The following DOCK9 variants were observed in gnomAD, a reference collection of about 807,000 sequenced individuals.
The protein encoded by DOCK9 is dedicator of cytokinesis 9.
DOCK9 carries 89 observed loss-of-function variants against 263.3 expected under a neutral mutation model. That is an observed-to-expected ratio of 0.34 (90% CI 0.28 to 0.40). The LOEUF is 0.40. Among genes scored for constraint, DOCK9 ranks in the 10% least tolerant of loss-of-function variants. DOCK9 has a pLI of 1.00. For missense variants in DOCK9, 2,140 were observed against 2,603.4 expected (o/e 0.82, Z 3.87); for synonymous variants, 976 against 973.1 (o/e 1.00, Z -0.06).
intron 1 of DOCK9, among the ~76,000 whole-genome samples, chr13:99,031,867 C>T (rs144693593): frequency 6.6e-6 from 1 of 152,318 alleles, no homozygotes; most frequent in East Asian, 1.9e-4. Flanking sequence ...GTCACAGCAG[C>T]CTGCTTAGGG....
intron 52 of DOCK9, among the ~76,000 whole-genome samples, chr13:98,796,679 C>A (rs958727454): frequency 4.6e-5 from 7 of 152,208 alleles, no homozygotes; most frequent in Non-Finnish European, 8.8e-5. Context: ...TGGAATCAGT[C>A]TGTATTTTTA....
chr13:98,827,651 T>A (rs1400403652), intron 43 of DOCK9, among the ~76,000 whole-genome samples: 2 of 152,224 alleles, frequency 1.3e-5, no homozygotes, highest in Non-Finnish European at 2.9e-5. Context: ...GCATGCACTC[T>A]GATGTGTGCA....
At chr13:99,022,547 G>A (rs1886241361) in intron 1 of DOCK9, among the ~76,000 whole-genome samples, 2 of 152,162 alleles carry the variant, frequency 1.3e-5, no homozygotes, top group South Asian at 2.1e-4. Context: ...CAAGGAGCAA[G>A]CGTCCAGGGA....
intron 36 of DOCK9, 83 bp from the exon 37 acceptor site, chr13:98,848,722 A>G: frequency 7.3e-7 from 1 of 1,365,632 alleles, no homozygotes; most frequent in Non-Finnish European, 1.0e-6. Flanking sequence ...ACAATAACAA[A>G]TTCAATAAAC....
chr13:99,041,480 C>A (rs1233025508), intron 1 of DOCK9, among the ~76,000 whole-genome samples: 51 of 137,260 alleles, frequency 3.7e-4, no homozygotes, highest in South Asian at 4.7e-4. Flanking sequence ...AAGACTGTCT[C>A]AAAAAAAAAA....
At chr13:99,023,013 T>C (rs1247235465) in intron 1 of DOCK9, among the ~76,000 whole-genome samples, 1 of 152,162 alleles carries the variant, frequency 6.6e-6, no homozygotes, top group East Asian at 1.9e-4. Flanking sequence ...TATTTGCTGG[T>C]AGAAATGTAA....
intron 50 of DOCK9, among the ~76,000 whole-genome samples, chr13:98,798,978 T>A (rs1156995974): frequency 6.6e-6 from 1 of 152,240 alleles, no homozygotes; most frequent in East Asian, 1.9e-4. Context: ...GGGCTGGATG[T>A]TCCAAGATCA....
At chr13:98,917,519 G>A (rs1005517793) in intron 7 of DOCK9, among the ~76,000 whole-genome samples, 2 of 152,154 alleles carry the variant, frequency 1.3e-5, no homozygotes, top group African/African-American at 4.8e-5. Context: ...AGAGAAGGCT[G>A]AATTGCCAGC....
intron 1 of DOCK9, among the ~76,000 whole-genome samples, chr13:98,964,929 G>A (rs534936998): frequency 6.6e-6 from 1 of 152,330 alleles, no homozygotes; most frequent in African/African-American, 2.4e-5. Context: ...TAACACTGGA[G>A]TCAGAGAGCA....
intron 1 of DOCK9, among the ~76,000 whole-genome samples, chr13:99,040,145 T>C (rs1471174520): frequency 6.6e-6 from 1 of 152,124 alleles, no homozygotes; most frequent in Non-Finnish European, 1.5e-5. Context: ...GAGTGTTTGC[T>C]TCATCTCTCC....
intron 1 of DOCK9, among the ~76,000 whole-genome samples, chr13:99,084,327 G>C (rs1298220207): frequency 2.6e-5 from 4 of 152,192 alleles, no homozygotes; most frequent in Non-Finnish European, 5.9e-5. Context: ...TTCCCATTCA[G>C]CCAGGGGCCC....
intron 18 of DOCK9, among the ~76,000 whole-genome samples, chr13:98,886,904 A>G (rs1031169372): frequency 1.3e-5 from 2 of 151,920 alleles, no homozygotes; most frequent in African/African-American, 4.8e-5. Context: ...TTCTTATGCA[A>G]TTCTTCTGTC....
At chr13:99,040,661 C>T (rs1888368484) in intron 1 of DOCK9, among the ~76,000 whole-genome samples, 1 of 152,126 alleles carries the variant, frequency 6.6e-6, no homozygotes, top group Non-Finnish European at 1.5e-5. Flanking sequence ...CCACTGTGCG[C>T]CAGACACGGG....
chr13:99,069,812 C>G (rs2041590903), intron 1 of DOCK9, among the ~76,000 whole-genome samples: 1 of 152,150 alleles, frequency 6.6e-6, no homozygotes, highest in African/African-American at 2.4e-5. Context: ...TCAAGAAACT[C>G]CAACTTCAAA....
chr13:99,007,580 A>G (rs1292195404), intron 1 of DOCK9, among the ~76,000 whole-genome samples: 1 of 152,126 alleles, frequency 6.6e-6, no homozygotes, highest in Non-Finnish European at 1.5e-5. Flanking sequence ...AAATAGCTAT[A>G]TCAACTCTAA....
chr13:98,842,836 TAAACAAC>T (rs2093269401), intron 38 of DOCK9, among the ~76,000 whole-genome samples: 1 of 152,244 alleles, frequency 6.6e-6, no homozygotes, highest in Non-Finnish European at 1.5e-5. Context: ...AGTGATGGCC[TAAACAAC>T]AAACCTGTCT....
intron 45 of DOCK9, among the ~76,000 whole-genome samples, chr13:98,823,399 G>T (rs1007248919): frequency 1.3e-5 from 2 of 152,154 alleles, no homozygotes; most frequent in African/African-American, 4.8e-5. Flanking sequence ...TGTGTTCAAG[G>T]GCCTGCCTCC....
At chr13:98,917,233 A>C (rs192612960) in intron 7 of DOCK9, among the ~76,000 whole-genome samples, 1 of 152,220 alleles carries the variant, frequency 6.6e-6, no homozygotes, top group Admixed American at 6.5e-5. Context: ...ACTCTCTTAT[A>C]AAACAAAAAT....
At chr13:98,946,480 C>T (rs889771246) in intron 2 of DOCK9, among the ~76,000 whole-genome samples, 6 of 152,098 alleles carry the variant, frequency 3.9e-5, no homozygotes, top group Non-Finnish European at 7.4e-5. Flanking sequence ...CACAATCTGC[C>T]GCTACACTTC....
Sources: allele counts gnomAD v4.1 joint callset (sites outside exome capture counted in the v4.1 genomes callset), GRCh38; gene constraint gnomAD v4.1.1; transcripts MANE v1.5; gene names NCBI Gene and HGNC (gene_info 2026-07-23, HGNC 2026-07-21).